The following PLA2G6 variants were observed in gnomAD, a reference collection of about 807,000 sequenced individuals.
PLA2G6 encodes phospholipase A2 group VI, also known as 85/88 kDa calcium-independent phospholipase A2.
Under a neutral mutation model 83.8 loss-of-function variants are expected in PLA2G6, and 62 were observed. The ratio of observed to expected loss-of-function variants is 0.74; its 90% CI spans 0.60 to 0.91. The LOEUF (loss-of-function observed/expected upper bound fraction) is 0.91, where lower values mean the gene tolerates loss of function less well. PLA2G6 is among the 40% of genes least tolerant of loss of function. The pLI is 0.00. For missense variants in PLA2G6, 944 were observed against 1,102.0 expected (o/e 0.86, Z 2.03); for synonymous variants, 417 against 449.8 (o/e 0.93, Z 0.92).
At chr22:38,169,724 G>A (rs1429093599) in intron 1 of PLA2G6, among the ~76,000 whole-genome samples, 1 of 152,236 alleles carries the variant, frequency 6.6e-6, no homozygotes, top group Admixed American at 6.5e-5. Flanking sequence ...GTGCACAGGT[G>A]ACCTTAACTG....
chr22:38,156,514 C>T (rs1055413613), intron 2 of PLA2G6, among the ~76,000 whole-genome samples: 6 of 151,960 alleles, frequency 3.9e-5, no homozygotes, highest in South Asian at 2.1e-4. Flanking sequence ...AGTGCAGCGG[C>T]GCGATCTCGG....
At chr22:38,134,608 A>G (rs917525753) in intron 6 of PLA2G6, 3 of 233,316 alleles carry the variant, frequency 1.3e-5, no homozygotes, top group African/African-American at 6.7e-5. Context: ...CTCTATATAT[A>G]TATCTCCTGT....
chr22:38,112,520 CG>C lies in PLA2G6; in HGVS notation c.2259del (p.Gly754AlafsTer7). ...VDRARAWCEM[V>X]GIQYFRLNPQ... The stretch of plus-strand genomic sequence containing the variant: ...AGCCCTCACCTGAAGTACTGGATGC[CG>C]ACCATCTCGCACCAGGCCCGTGCCC... On this transcript the variant is annotated frameshift_variant, in exon 16 of 17. Transcript: ENST00000332509. LOFTEE classifies it high-confidence loss of function. 2.6e-6 allele frequency: 4 copies of C among 1,555,854 alleles called. No individual in the cohort carries two copies. Among genetic ancestry groups the C allele is most frequent in the Non-Finnish European group, 3.5e-6 (4 of 1,150,902 alleles).
At chr22:38,161,748 A>G (rs568517756) in intron 2 of PLA2G6, among the ~76,000 whole-genome samples, 1 of 152,204 alleles carries the variant, frequency 6.6e-6, no homozygotes, top group South Asian at 2.1e-4. Context: ...TCTCAGCGAG[A>G]CAGCAGCAGG....
At position 38,139,982 on chromosome 22, in the gene PLA2G6, C is replaced by G. The variant is rs764286950; in HGVS notation, c.797G>C (p.Gly266Ala). Residue 266 changes from glycine (G) to alanine (A), a missense_variant and splice_region_variant, in exon 5 of 17, where the codon GGG (glycine) becomes GCG (alanine). Transcript: ENST00000332509. ...IHSAMKFSQK[G>A]CAEMIISMDS... The stretch of plus-strand genomic sequence containing the variant: ...AGATGGGGAGGGGAGGAGGTCTTAC[C>G]CCTTCTGAGAGAACTTCATGGCCGA... The G allele has an allele frequency of 1.3e-6, 2 of 1,586,376 alleles. No homozygotes were observed. The highest frequency in any genetic ancestry group is 1.7e-6 in the Non-Finnish European group (2 of 1,164,804).
intron 6 of PLA2G6, 141 bp downstream of exon 6, chr22:38,134,847 C>T (rs1039855114): frequency 2.0e-5 from 13 of 634,264 alleles, no homozygotes; most frequent in Non-Finnish European, 3.1e-5. Context: ...TCTTCATGGA[C>T]TTCTCTGCCT....
At chr22:38,121,106 GGT>G in intron 11 of PLA2G6, 197 bp from the exon 12 acceptor site, 1 of 574,954 alleles carries the variant, frequency 1.7e-6, no homozygotes, top group Non-Finnish European at 3.1e-6. Context: ...GGCTGGACAT[GGT>G]GGCTCGCGCC....
intron 2 of PLA2G6, among the ~76,000 whole-genome samples, chr22:38,167,277 A>G (rs2090258158): frequency 1.3e-5 from 2 of 151,966 alleles, no homozygotes; most frequent in Non-Finnish European, 2.9e-5. Flanking sequence ...ATAAAGTACC[A>G]CAGAATAGCT....
At chr22:38,145,372 C>A (rs1369139075) in intron 3 of PLA2G6, 66 bp downstream of exon 3, 1 of 1,323,136 alleles carries the variant, frequency 7.6e-7, no homozygotes, top group Non-Finnish European at 1.1e-6. Flanking sequence ...CCGAGGCCTG[C>A]GGCCCCCACT....
At chr22:38,119,684 A>G (rs1245530801) in intron 12 of PLA2G6, among the ~76,000 whole-genome samples, 1 of 152,090 alleles carries the variant, frequency 6.6e-6, no homozygotes, top group Non-Finnish European at 1.5e-5. Flanking sequence ...GTGTTGGCAC[A>G]TGCTAGTAGT....
intron 12 of PLA2G6, among the ~76,000 whole-genome samples, chr22:38,117,219 T>A (rs1208315126): frequency 6.6e-6 from 1 of 152,210 alleles, no homozygotes; most frequent in Non-Finnish European, 1.5e-5. Flanking sequence ...CAAAAATCTT[T>A]TTTTTGAGAC....
intron 6 of PLA2G6, chr22:38,133,596 C>T (rs907864022): frequency 3.2e-5 from 5 of 154,396 alleles, no homozygotes; most frequent in Non-Finnish European, 7.2e-5. Context: ...CAAACCTACA[C>T]GGAAGGGCCT....
At chr22:38,117,596 C>T (rs935493563) in intron 12 of PLA2G6, among the ~76,000 whole-genome samples, 16 of 152,156 alleles carry the variant, frequency 1.1e-4, no homozygotes, top group Non-Finnish European at 2.1e-4. Context: ...TTTGCACATC[C>T]GACATTGACA....
intron 2 of PLA2G6, among the ~76,000 whole-genome samples, chr22:38,160,166 C>A (rs1001806539): frequency 6.6e-6 from 1 of 152,092 alleles, no homozygotes; most frequent in Non-Finnish European, 1.5e-5. Context: ...CAGGCAAATG[C>A]AAAATAAAAC....
chr22:38,135,373 C>T (rs2088487932), intron 5 of PLA2G6: 5 of 424,090 alleles, frequency 1.2e-5, no homozygotes, highest in South Asian at 9.4e-5. Context: ...AGCTTCCTCA[C>T]TGGTGGCCTC....
In PLA2G6 at chr22:38,145,287, C is replaced by T. The variant is rs1349167210; in HGVS notation, c.425+151G>A. The T allele has an allele frequency of 6.9e-6, 5 of 726,728 alleles. No individual in the cohort carries two copies. The Admixed American group carries it at 1.0e-4, about 15-fold the overall frequency. The allele number at this position is 726,728 out of a possible 1,614,324, so 45.0% of individuals were successfully genotyped here. A position where few individuals can be genotyped will look rare whatever the true frequency, so the allele number is the denominator to read the frequency against. On this transcript the variant is annotated intron_variant, in intron 3 of 16. Coordinates refer to ENST00000332509, the MANE Select transcript of PLA2G6 (RefSeq NM_003560.4). Reference sequence around the variant, plus strand: ...CAAGTGATCCTCCCTCCTCAGCCTCCCAAAGTGCTGGGACTGCGTTAGTGA... The same window carrying T: ...CAAGTGATCCTCCCTCCTCAGCCTCTCAAAGTGCTGGGACTGCGTTAGTGA...
At chr22:38,170,962 G>A (rs185813957) in intron 1 of PLA2G6, among the ~76,000 whole-genome samples, 1 of 152,268 alleles carries the variant, frequency 6.6e-6, no homozygotes, top group African/African-American at 2.4e-5. Context: ...CCTGAGGTCA[G>A]GAGTTTGAGA....
intron 11 of PLA2G6, chr22:38,121,117 C>G: frequency 1.8e-6 from 1 of 546,764 alleles, no homozygotes; most frequent in South Asian, 2.0e-5. Flanking sequence ...GTGGCTCGCG[C>G]CTGTAATCCC....
At chr22:38,112,615 C>T in intron 15 of PLA2G6, 38 bp from the exon 16 acceptor site, 2 of 1,502,384 alleles carry the variant, frequency 1.3e-6, no homozygotes, top group Non-Finnish European at 1.8e-6. Context: ...CGGGCCCACA[C>T]CCCGCCCGGC....
Sources: allele counts gnomAD v4.1 joint callset (sites outside exome capture counted in the v4.1 genomes callset), GRCh38; gene constraint gnomAD v4.1.1; transcripts MANE v1.5; gene names NCBI Gene and HGNC (gene_info 2026-07-23, HGNC 2026-07-21).